Variants in OTULIN observed in about 807,000 individuals in gnomAD.
The protein encoded by OTULIN is OTU deubiquitinase with linear linkage specificity, also known as ubiquitin thioesterase otulin.
Under a neutral mutation model 39.6 loss-of-function variants are expected in OTULIN, and 15 were observed. The observed-to-expected ratio is 0.38, with a 90% confidence interval of 0.25 to 0.58. The LOEUF is 0.58. Ranked by LOEUF, OTULIN falls within the 20% of genes least tolerant of loss-of-function variation. The pLI, the probability that OTULIN is intolerant of heterozygous loss-of-function variation, is 0.66. For synonymous variants in OTULIN, 156 were observed against 170.3 expected (o/e 0.92, Z 0.65); for missense variants, 319 against 445.9 (o/e 0.72, Z 2.56).
At chr5:14,689,005 G>C (rs973410332) in intron 5 of OTULIN, among the ~76,000 whole-genome samples, 1 of 152,160 alleles carries the variant, frequency 6.6e-6, no homozygotes, top group Non-Finnish European at 1.5e-5. Context: ...TTCTATGCCA[G>C]GCTCCACACT....
intron 5 of OTULIN, 128 bp from the exon 6 acceptor site, chr5:14,689,911 G>T: frequency 1.1e-6 from 1 of 926,372 alleles, no homozygotes; most frequent in Non-Finnish European, 1.6e-6. Flanking sequence ...CTGGAAACCT[G>T]AATGTTGTGA....
At chr5:14,689,387 T>A (rs992976455) in intron 5 of OTULIN, among the ~76,000 whole-genome samples, 3 of 152,244 alleles carry the variant, frequency 2.0e-5, no homozygotes, top group Non-Finnish European at 2.9e-5. Flanking sequence ...TGTTGGCGTC[T>A]CTTATTCTCA....
intron 3 of OTULIN, among the ~76,000 whole-genome samples, chr5:14,680,440 T>G (rs1736216891): frequency 6.6e-6 from 1 of 152,170 alleles, no homozygotes; most frequent in African/African-American, 2.4e-5. Flanking sequence ...GGGTAACACT[T>G]CTTTCTTTCT....
chr5:14,673,647 A>G lies in OTULIN; in HGVS notation c.158A>G (p.Glu53Gly). The change falls in exon 2 of 7, where the codon GAG becomes GGG. Residue 53 changes from glutamate to glycine, a missense_variant. Glu to Gly is a moderately conservative substitution (Grantham distance 98). Coordinates refer to ENST00000284274, the MANE Select transcript of OTULIN (RefSeq NM_138348.6). ...CTGCTTTGGTGTAATTTCAGTGAGG[A>G]GGACATGTACCGTGCTGCAGATGAA... is the stretch of plus-strand genomic sequence containing the variant. ...PEMQCPAEHE[E>G]DMYRAADEIE... 1 of 1,612,016 alleles carries G rather than the reference A, an allele frequency of 6.2e-7. No homozygotes were observed. The highest frequency in any genetic ancestry group is 8.5e-7 in the Non-Finnish European group (1 of 1,179,174).
chr5:14,705,282 T>C, the OTULIN span: 1 of 151,946 alleles, frequency 6.6e-6, no homozygotes, highest in Non-Finnish European at 1.5e-5. Context: ...CTTAATTTTG[T>C]TTAAAAAAAA....
chr5:14,712,904 G>C, the OTULIN span: 1 of 1,612,724 alleles, frequency 6.2e-7, no homozygotes, highest in Non-Finnish European at 8.5e-7. Flanking sequence ...ACGCAGCGAT[G>C]GCGACCATGG....
the OTULIN span, among the ~76,000 whole-genome samples, chr5:14,715,054 C>G: frequency 6.6e-6 from 1 of 152,238 alleles, no homozygotes; most frequent in Non-Finnish European, 1.5e-5. Flanking sequence ...TGTCACAGCC[C>G]AGAAAGTGAC....
At chr5:14,703,592 G>A (rs2126367163), downstream of OTULIN, among the ~76,000 whole-genome samples, 1 of 152,252 alleles carries the variant, frequency 6.6e-6, no homozygotes, top group Admixed American at 6.5e-5. Flanking sequence ...GAAAGCATGG[G>A]TTGGGGACGT....
At chr5:14,671,440 T>C (rs138675721) in intron 1 of OTULIN, among the ~76,000 whole-genome samples, 306 of 152,344 alleles carry the variant, frequency 2.0e-3, no homozygotes, top group Non-Finnish European at 3.7e-3. Context: ...ATAATGATAC[T>C]ATGAAAGTGC....
At chr5:14,679,425 G>C (rs1736188951) in intron 3 of OTULIN, among the ~76,000 whole-genome samples, 1 of 152,098 alleles carries the variant, frequency 6.6e-6, no homozygotes, top group Non-Finnish European at 1.5e-5. Context: ...TTATCAGTAG[G>C]GTGAACCATG....
At chr5:14,710,420 A>AAGTT in the OTULIN span, 39 of 152,374 alleles carry the variant, frequency 2.6e-4, no homozygotes, top group African/African-American at 7.9e-4. Context: ...CAATTTAAAA[A>AAGTT]AGTTAGCTCA....
intron 2 of OTULIN, among the ~76,000 whole-genome samples, chr5:14,674,502 T>TAC (rs762401906): frequency 2.6e-5 from 4 of 152,232 alleles, no homozygotes; most frequent in Non-Finnish European, 5.9e-5. Context: ...ATGCCCGTAA[T>TAC]CCCAGCACTT....
rs1461577708 is a variant in OTULIN at position 14,694,056 on chromosome 5, C to G, written c.*1008C>G. Reference sequence around the variant, plus strand: ...AGCTGGACCTGGGTTTTCCTATGCTCTTTTCATGCTGTGTTGGAGGGTGTG... The same window carrying G: ...AGCTGGACCTGGGTTTTCCTATGCTGTTTTCATGCTGTGTTGGAGGGTGTG... On this transcript the variant is annotated 3_prime_UTR_variant, in exon 7 of 7. Transcript: ENST00000284274. 5 of 152,256 alleles carry G rather than the reference C, an allele frequency of 3.3e-5. No individual in the cohort carries two copies. Among genetic ancestry groups the G allele is most frequent in the African/African-American group, 1.2e-4 (5 of 41,462 alleles). The allele number at this position is 152,256 out of a possible 1,614,324, so 9.4% of individuals were successfully genotyped here.
At chr5:14,712,835 G>A in the OTULIN span, 8 of 1,555,422 alleles carry the variant, frequency 5.1e-6, no homozygotes, top group African/African-American at 1.4e-5. Context: ...CACCCAGGAG[G>A]ATGCACCCGG....
rs1736578184 is a variant in OTULIN, at chr5:14,693,210, A to C, written c.*162A>C. On this transcript the variant is annotated 3_prime_UTR_variant, in exon 7 of 7. Coordinates refer to ENST00000284274, the MANE Select transcript of OTULIN (RefSeq NM_138348.6). ...GATGTCCTGAAGACTAGCTTTTGAT[A>C]AGAGAAATTAACCAAGTCTTTCCCC... 1 of 607,046 alleles carries C rather than the reference A, an allele frequency of 1.6e-6. No homozygotes were observed. Among genetic ancestry groups the C allele is most frequent in the Admixed American group, 3.1e-5 (1 of 32,780 alleles). 37.6% of individuals were successfully genotyped at this position (607,046 alleles called of 1,614,324 possible). A position where few individuals can be genotyped will look rare whatever the true frequency, so the allele number is the denominator to read the frequency against.
the OTULIN span, chr5:14,710,253 A>AGACTT: frequency 1.3e-5 from 2 of 150,522 alleles, no homozygotes; most frequent in African/African-American, 4.9e-5. Context: ...ATGCTGGATG[A>AGACTT]GACTTAAAGC....
At chr5:14,704,203 G>A (rs949573899), downstream of OTULIN, among the ~76,000 whole-genome samples, 2 of 151,980 alleles carry the variant, frequency 1.3e-5, 1 homozygote, top group African/African-American at 4.8e-5. Flanking sequence ...GGTGACGTGT[G>A]CCTATAGTCC....
At chr5:14,684,289 T>C (rs768075108) in intron 4 of OTULIN, among the ~76,000 whole-genome samples, 1 of 152,266 alleles carries the variant, frequency 6.6e-6, no homozygotes, top group African/African-American at 2.4e-5. Flanking sequence ...CTTGCTGTCA[T>C]CCAGCCAGAG....
chr5:14,671,978 C>CATAGTTATACATACAGCTAAT (rs1478714008), intron 1 of OTULIN, among the ~76,000 whole-genome samples: 1 of 152,030 alleles, frequency 6.6e-6, no homozygotes, highest in African/African-American at 2.4e-5. Context: ...TTACTCTAGT[C>CATAGTTATACATACAGCTAAT]ATAGTTATAC....
Sources: allele counts gnomAD v4.1 joint callset (sites outside exome capture counted in the v4.1 genomes callset), GRCh38; gene constraint gnomAD v4.1.1; transcripts MANE v1.5; gene names NCBI Gene and HGNC (gene_info 2026-07-23, HGNC 2026-07-21).